C4orf46: variants seen among roughly 807,000 people sequenced by gnomAD.
C4orf46 encodes renal cancer differentiation gene 1 protein.
Under a neutral mutation model 9.1 loss-of-function variants are expected in C4orf46, and 8 were observed. The ratio of observed to expected loss-of-function variants is 0.88; its 90% confidence interval spans 0.52 to 1.59. The LOEUF is 1.59. C4orf46 is among the 40% of genes most tolerant of loss of function. The pLI, the probability that C4orf46 is intolerant of heterozygous loss-of-function variation, is 0.00. For synonymous variants in C4orf46, 51 were observed against 58.8 expected, an observed-to-expected ratio of 0.87 and a Z score of 0.61; for missense variants, 151 against 139.1, an observed-to-expected ratio of 1.09 and a Z score of -0.43.
At position 158,669,541 on chromosome 4, in the gene C4orf46, G is replaced by T; in HGVS notation, c.*72C>A. ...TGGACAGAGGTCATCCTATATGTGT[G>T]GTACATGTACAAAATATGACATAAG... On this transcript the variant is annotated 3_prime_UTR_variant, in exon 2 of 2. Coordinates refer to ENST00000379205, the MANE Select transcript of C4orf46 (RefSeq NM_001008393.4). The T allele has an allele frequency of 6.9e-7, 1 of 1,458,240 alleles. No homozygotes were observed. Among genetic ancestry groups the T allele is most frequent in the Non-Finnish European group, 9.5e-7 (1 of 1,050,094 alleles). The allele number at this position is 1,458,240 out of a possible 1,614,324, so 90.3% of individuals were successfully genotyped here.
rs758979858 is a variant in C4orf46 at position 158,671,585 on chromosome 4, A to AG, written c.186+30dup. On this transcript the variant is annotated intron_variant, in intron 1 of 1. Coordinates refer to ENST00000379205, the MANE Select transcript of C4orf46 (RefSeq NM_001008393.4). Reference sequence around the variant, plus strand: ...GCCGCCGGTCTTCCCAGAGGCGCCGAGGGGGGACGCGGTCCCGACACCACA... The same window carrying AG: ...GCCGCCGGTCTTCCCAGAGGCGCCGAGGGGGGGACGCGGTCCCGACACCACA... 1.8e-4 allele frequency: 260 copies of AG among 1,452,468 alleles called. 2 individuals are homozygous for AG. The Middle Eastern group carries it at 2.9e-3, about 16-fold the overall frequency. 90.0% of individuals were successfully genotyped at this position (1,452,468 alleles called of 1,614,324 possible). A position where few individuals can be genotyped will look rare whatever the true frequency, so the allele number is the denominator to read the frequency against.
Position 158,667,849 on chromosome 4 carries a change from G to C in C4orf46, c.*1764C>G, listed in dbSNP as rs1051872345. The C allele has an allele frequency of 6.6e-6, 1 of 152,134 alleles. No homozygotes were observed. Among genetic ancestry groups the C allele is most frequent in the African/African-American group, 2.4e-5 (1 of 41,400 alleles). The allele number at this position is 152,134 out of a possible 1,614,324, so 9.4% of individuals were successfully genotyped here. A position where few individuals can be genotyped will look rare whatever the true frequency, so the allele number is the denominator to read the frequency against. On this transcript the variant is annotated 3_prime_UTR_variant, in exon 2 of 2. Coordinates refer to ENST00000379205, the MANE Select transcript of C4orf46 (RefSeq NM_001008393.4). ...ACACCAGGAGGCCAGGGATCACTGG[G>C]GCCATCTGGAAGCTGGCTACCACAT... is the stretch of plus-strand genomic sequence containing the variant.
Position 158,667,684 on chromosome 4 carries a change from G to C in C4orf46, c.*1929C>G, listed in dbSNP as rs958766414. 2.6e-5 allele frequency: 4 copies of C among 151,066 alleles called. No individual in the cohort carries two copies. The highest frequency in any genetic ancestry group is 5.9e-5 in the Non-Finnish European group (4 of 67,898). 9.4% of individuals were successfully genotyped at this position (151,066 alleles called of 1,614,324 possible). ...CCACCACACTCCAGCCTGAGCAATA[G>C]AGTGAGATCTTGTCTCTTAAAAAAA... On this transcript the variant is annotated 3_prime_UTR_variant, in exon 2 of 2. Coordinates refer to ENST00000379205, the MANE Select transcript of C4orf46 (RefSeq NM_001008393.4).
In C4orf46 at chr4:158,669,642, C is replaced by T; in HGVS notation, c.313G>A (p.Gly105Ser). The T allele has an allele frequency of 6.2e-7, 1 of 1,613,240 alleles. No individual in the cohort carries two copies. The highest frequency in any genetic ancestry group is 2.2e-5 in the East Asian group (1 of 44,864). The change falls in exon 2 of 2, where the codon GGC becomes AGC. Residue 105 changes from glycine (G) to serine (S), a missense_variant. Gly to Ser is a moderately conservative substitution (Grantham distance 56). Coordinates refer to ENST00000379205, the MANE Select transcript of C4orf46 (RefSeq NM_001008393.4). ...TCATCAGGTTTCAAAGAATCATAGC[C>T]TTCTTTCAAGAGGTCCCGCCACGTT... ...LKTWRDLLKE[G>S]YDSLKPDD
rs968768417 is a variant in C4orf46 at position 158,666,916 on chromosome 4, C to G, written c.*2697G>C. On this transcript the variant is annotated 3_prime_UTR_variant, in exon 2 of 2. Coordinates refer to ENST00000379205, the MANE Select transcript of C4orf46 (RefSeq NM_001008393.4). ...ACTAATAGTTTCTTGTTTGTAGATTCCTCTGGTGCTGTCTCAGCTGATTAG... is the reference window on the plus strand; with the variant it reads ...ACTAATAGTTTCTTGTTTGTAGATTGCTCTGGTGCTGTCTCAGCTGATTAG... 6.6e-6 allele frequency: 1 copy of G among 152,168 alleles called. No individual in the cohort carries two copies. Among genetic ancestry groups the G allele is most frequent in the Non-Finnish European group, 1.5e-5 (1 of 68,034 alleles). 9.4% of individuals were successfully genotyped at this position (152,168 alleles called of 1,614,324 possible).
rs112468926 is a variant in C4orf46, at chr4:158,671,871, G to C, written c.-70C>G. 3,633 of 1,312,510 alleles carry C rather than the reference G, an allele frequency of 2.8e-3. 60 individuals are homozygous for C. In the African/African-American group the frequency reaches 0.039, roughly 14 times the overall value. The allele number at this position is 1,312,510 out of a possible 1,614,324, so 81.3% of individuals were successfully genotyped here. The stretch of plus-strand genomic sequence containing the variant: ...GACACCAACTGTCTTTTAACCACTC[G>C]CGCCCAAAGCCGAAAGGCCCCGCCT... On this transcript the variant is annotated 5_prime_UTR_variant, in exon 1 of 2. Transcript: ENST00000379205.
rs1773416906 is a variant in C4orf46, at chr4:158,667,715, A to AC, written c.*1897_*1898insG. ...GATCTTGTCTCTTAAAAAAAAAAAA[A>AC]AGAGTAAAAGATATGGCCTCAGAAA... On this transcript the variant is annotated 3_prime_UTR_variant, in exon 2 of 2. Transcript: ENST00000379205. The AC allele has an allele frequency of 6.6e-6, 1 of 151,908 alleles. No homozygotes were observed. Among genetic ancestry groups the AC allele is most frequent in the East Asian group, 1.9e-4 (1 of 5,200 alleles). 9.4% of individuals were successfully genotyped at this position (151,908 alleles called of 1,614,324 possible).
At chr4:158,669,813 T>C (rs887559241) in intron 1 of C4orf46, 45 bp from the exon 2 acceptor site, 1 of 1,498,784 alleles carries the variant, frequency 6.7e-7, no homozygotes, top group African/African-American at 1.4e-5. Flanking sequence ...AAAATTCTCA[T>C]CTCATTTTAT....
In C4orf46 at chr4:158,669,395, A is replaced by G. The variant is rs1012010761; in HGVS notation, c.*218T>C. 5 of 418,556 alleles carry G rather than the reference A, an allele frequency of 1.2e-5. No homozygotes were observed. Among genetic ancestry groups the G allele is most frequent in the Non-Finnish European group, 2.2e-5 (5 of 232,228 alleles). The allele number at this position is 418,556 out of a possible 1,614,324, so 25.9% of individuals were successfully genotyped here. On this transcript the variant is annotated 3_prime_UTR_variant, in exon 2 of 2. Coordinates refer to ENST00000379205, the MANE Select transcript of C4orf46 (RefSeq NM_001008393.4). ...CATAAAGGATTCTATGAAAGTTCAG[A>G]GGCATAAAGTATTTAAGGACAAACA...
rs1773400495 is a variant in C4orf46, at chr4:158,667,145, G to C, written c.*2468C>G. 6.6e-6 allele frequency: 1 copy of C among 152,238 alleles called. No individual in the cohort carries two copies. The highest frequency in any genetic ancestry group is 2.4e-5 in the African/African-American group (1 of 41,548). 9.4% of individuals were successfully genotyped at this position (152,238 alleles called of 1,614,324 possible). ...TTCCTTCAGATAAAAAGAACAGAAA[G>C]GTCAGAATCTGGCCCTTACATAGTA... On this transcript the variant is annotated 3_prime_UTR_variant, in exon 2 of 2. Transcript: ENST00000379205.
chr4:158,672,050 C>G (rs1773577348), upstream of C4orf46: 2 of 564,580 alleles, frequency 3.5e-6, no homozygotes, highest in Non-Finnish European at 6.3e-6. Context: ...GAAGGGCACT[C>G]GTAGAGAAAA....
At chr4:158,671,130 A>G (rs28396605) in intron 1 of C4orf46, among the ~76,000 whole-genome samples, 2,711 of 152,350 alleles carry the variant, frequency 0.018, 82 homozygotes, top group African/African-American at 0.061. Flanking sequence ...GTGGCCAACT[A>G]GAACAGCAGG....
chr4:158,671,883 G>T lies in C4orf46; in HGVS notation c.-82C>A. The T allele has an allele frequency of 8.5e-7, 1 of 1,174,166 alleles. No individual in the cohort carries two copies. Among genetic ancestry groups the T allele is most frequent in the South Asian group, 1.7e-5 (1 of 57,726 alleles). 72.7% of individuals were successfully genotyped at this position (1,174,166 alleles called of 1,614,324 possible). On this transcript the variant is annotated 5_prime_UTR_variant, in exon 1 of 2. Coordinates refer to ENST00000379205, the MANE Select transcript of C4orf46 (RefSeq NM_001008393.4). ...CTTTTAACCACTCGCGCCCAAAGCC[G>T]AAAGGCCCCGCCTCCTAACGCCAGA...
intron 1 of C4orf46, among the ~76,000 whole-genome samples, chr4:158,671,382 G>A (rs962282162): frequency 1.3e-5 from 2 of 152,170 alleles, no homozygotes; most frequent in Non-Finnish European, 2.9e-5. Context: ...CGGGTGGAAG[G>A]AAAACCCCTT....
Position 158,671,839 on chromosome 4 carries a change from C to T in C4orf46, c.-38G>A. 2 of 1,434,238 alleles carry T rather than the reference C, an allele frequency of 1.4e-6. No individual in the cohort carries two copies. The highest frequency in any genetic ancestry group is 1.5e-5 in the African/African-American group (1 of 68,718). 88.8% of individuals were successfully genotyped at this position (1,434,238 alleles called of 1,614,324 possible). ...GGACCGCGGAATCCGACCCGAGAAG[C>T]CGAACCGACACCAACTGTCTTTTAA... On this transcript the variant is annotated 5_prime_UTR_variant, in exon 1 of 2. Transcript: ENST00000379205.
Position 158,669,189 on chromosome 4 carries a change from C to T in C4orf46, c.*424G>A, listed in dbSNP as rs1481009128. On this transcript the variant is annotated 3_prime_UTR_variant, in exon 2 of 2. Coordinates refer to ENST00000379205, the MANE Select transcript of C4orf46 (RefSeq NM_001008393.4). ...ATTAGCTGTAGACAACTTAGCCTAA[C>T]GGAGCTGGATCCACCACTGGCAACC... 1.3e-5 allele frequency: 2 copies of T among 153,630 alleles called. No individual in the cohort carries two copies. Among genetic ancestry groups the T allele is most frequent in the Non-Finnish European group, 2.9e-5 (2 of 69,126 alleles). 9.5% of individuals were successfully genotyped at this position (153,630 alleles called of 1,614,324 possible). A position where few individuals can be genotyped will look rare whatever the true frequency, so the allele number is the denominator to read the frequency against.
intron 1 of C4orf46, 89 bp from the exon 2 acceptor site, chr4:158,669,857 C>T: frequency 9.6e-7 from 1 of 1,037,132 alleles, no homozygotes; most frequent in Non-Finnish European, 1.4e-6. Flanking sequence ...GCTTTGAATC[C>T]AATGCCCATG....
Position 158,669,670 on chromosome 4 carries a change from A to G in C4orf46, c.285T>C (p.Leu95=). The part of the protein sequence containing the change: ...AFKCTENARF[L]KTWRDLLKEG... ...CTTTCAAGAGGTCCCGCCACGTTTT[A>G]AGGAAACGTGCATTTTCTGTACATT... The change falls in exon 2 of 2, where the codon CTT becomes CTC. Residue 95 remains leucine (L), a synonymous_variant. Coordinates refer to ENST00000379205, the MANE Select transcript of C4orf46 (RefSeq NM_001008393.4). The G allele has an allele frequency of 6.2e-7, 1 of 1,613,920 alleles. No homozygotes were observed. The highest frequency in any genetic ancestry group is 1.3e-5 in the African/African-American group (1 of 75,022).
In C4orf46 at chr4:158,668,035, T is replaced by C. The variant is rs987211292; in HGVS notation, c.*1578A>G. ...GGTAACAAAGCAAACTTCAAATGTA[T>C]CTAACATTTGCAATTACATGCATAT... On this transcript the variant is annotated 3_prime_UTR_variant, in exon 2 of 2. Transcript: ENST00000379205. 2.0e-5 allele frequency: 3 copies of C among 152,164 alleles called. No homozygotes were observed. The highest frequency in any genetic ancestry group is 6.5e-5 in the Admixed American group (1 of 15,272). 9.4% of individuals were successfully genotyped at this position (152,164 alleles called of 1,614,324 possible).
Sources: gnomAD v4.1 joint callset for allele counts (sites outside exome capture counted in the v4.1 genomes callset) on GRCh38, gnomAD v4.1.1 for gene constraint, MANE v1.5 for transcripts, NCBI Gene and HGNC (gene_info 2026-07-23, HGNC 2026-07-21) for gene names.